Variants in AKAP9 observed in about 807,000 individuals in gnomAD.
AKAP9 encodes A-kinase anchor protein 9.
In AKAP9, 311 loss-of-function variants were observed where a neutral mutation model predicts 488.5. That is an observed-to-expected ratio of 0.64 (90% confidence interval 0.58 to 0.70). The LOEUF (loss-of-function observed/expected upper bound fraction) is 0.70, where lower values mean the gene tolerates loss of function less well. AKAP9 is among the 30% of genes least tolerant of loss of function. The pLI is 0.00. For missense variants in AKAP9, 4,215 were observed against 4,374.5 expected (o/e 0.96, Z 1.03); for synonymous variants, 1,462 against 1,483.5 (o/e 0.99, Z 0.33).
In AKAP9 at chr7:92,052,912, C is replaced by G. The variant is rs751812398; in HGVS notation, c.5555C>G (p.Ala1852Gly). The change falls in exon 22 of 50, where the codon GCA becomes GGA. Residue 1852 changes from alanine to glycine, a missense_variant. This residue lies in a region of AKAP9 where 2,361 missense variants were observed against 2,430.0 expected (regional missense o/e 0.97). Transcript: ENST00000356239. ...LMLNISSRLQ[A>G]AVEKLLEAIS... ...CTGAACATTAGCTCTCGACTACAAGCAGCAGTTGAAAAACTCCTAGAAGCC... is the reference window on the plus strand; with the variant it reads ...CTGAACATTAGCTCTCGACTACAAGGAGCAGTTGAAAAACTCCTAGAAGCC... 4 of 1,613,780 alleles carry G rather than the reference C, an allele frequency of 2.5e-6. No homozygotes were observed. Among genetic ancestry groups the G allele is most frequent in the Non-Finnish European group, 3.4e-6 (4 of 1,179,816 alleles).
At chr7:92,089,266 T>A in intron 37 of AKAP9, 119 bp from the exon 38 acceptor site, 1 of 1,130,240 alleles carries the variant, frequency 8.8e-7, no homozygotes, top group East Asian at 2.6e-5. Flanking sequence ...ATAAGAAAAT[T>A]TTTTAAAAAA....
chr7:92,080,526 A>C (rs1479121486), intron 31 of AKAP9, among the ~76,000 whole-genome samples: 1 of 151,912 alleles, frequency 6.6e-6, no homozygotes. Context: ...TGAACCCGGG[A>C]GGCAGAGCTT....
chr7:91,959,462 TAAA>T (rs10573086), intron 1 of AKAP9, among the ~76,000 whole-genome samples: 53 of 147,632 alleles, frequency 3.6e-4, no homozygotes, highest in African/African-American at 8.9e-4. Context: ...CTGGCTAATT[TAAA>T]AAAAAAAAAA....
chr7:92,022,732 AT>A lies in AKAP9; in HGVS notation c.3953-78del, dbSNP rs1457375343. 4 of 924,296 alleles carry A rather than the reference AT, an allele frequency of 4.3e-6. No homozygotes were observed. In the African/African-American group the frequency reaches 6.8e-5, roughly 16 times the overall value. 57.3% of individuals were successfully genotyped at this position (924,296 alleles called of 1,614,324 possible). A position where few individuals can be genotyped will look rare whatever the true frequency, so the allele number is the denominator to read the frequency against. ...CATACTTTTTCAAAAAAGAATTAAT[AT>A]TTTCTGTACACAGTGATTGTGCTAT... On this transcript the variant is annotated intron_variant, in intron 13 of 49. Transcript: ENST00000356239.
chr7:91,993,141 G>C (rs987399996), intron 5 of AKAP9, 86 bp downstream of exon 5: 2 of 1,450,840 alleles, frequency 1.4e-6, no homozygotes, highest in Admixed American at 2.3e-5. Context: ...TAAAGATGGG[G>C]TTTTTAAAAT....
rs771061272 is a variant in AKAP9 at position 92,002,910 on chromosome 7, A to G, written c.2993A>G (p.Glu998Gly). Reference sequence around the variant, plus strand: ...GTTTCATTGAGATGTAGAGAGCTAGAAATCATTATTAACCACAACAGGGCA... The same window carrying G: ...GTTTCATTGAGATGTAGAGAGCTAGGAATCATTATTAACCACAACAGGGCA... ...EQVSLRCREL[E>G]IIINHNRAEN... Residue 998 changes from glutamate to glycine, a missense_variant, in exon 8 of 50, where the codon GAA (glutamate) becomes GGA (glycine). Around this residue, in one of 5 missense-constraint regions of AKAP9, gnomAD observed 2,361 missense variants for 2,430.0 expected, o/e 0.97. Coordinates refer to ENST00000356239, the MANE Select transcript of AKAP9 (RefSeq NM_005751.5). The G allele has an allele frequency of 6.2e-7, 1 of 1,611,952 alleles. No homozygotes were observed. Among genetic ancestry groups the G allele is most frequent in the Non-Finnish European group, 8.5e-7 (1 of 1,179,176 alleles).
At chr7:91,971,947 A>G (rs1290005631) in intron 1 of AKAP9, among the ~76,000 whole-genome samples, 2 of 104,724 alleles carry the variant, frequency 1.9e-5, no homozygotes, top group Non-Finnish European at 4.0e-5. Flanking sequence ...TTTACTGGAT[A>G]TGTTTGCTCA....
Position 92,079,520 on chromosome 7 carries a change from C to A in AKAP9, c.7387C>A (p.Pro2463Thr), listed in dbSNP as rs771045819. ...TATAGATCATCTGAGCAAAGACAAA[C>A]CTGAACTAGAAGTAGTCCTTACAGA... ...VAIDHLSKDK[P>T]ELEVVLTEDA... The change falls in exon 31 of 50, where the codon CCT becomes ACT. Residue 2463 changes from proline (P) to threonine (T), a missense_variant. By Grantham distance (38) the Pro-to-Thr change is conservative. Coordinates refer to ENST00000356239, the MANE Select transcript of AKAP9 (RefSeq NM_005751.5). The A allele has an allele frequency of 1.9e-6, 3 of 1,613,866 alleles. 1 individual carries two copies. In the South Asian group the frequency reaches 3.3e-5, roughly 18 times the overall value.
Position 92,096,731 on chromosome 7 carries a change from C to A in AKAP9, c.9772C>A (p.Gln3258Lys), listed in dbSNP as rs1816649140. 1.2e-6 allele frequency: 2 copies of A among 1,614,154 alleles called. No homozygotes were observed. The highest frequency in any genetic ancestry group is 1.7e-6 in the Non-Finnish European group (2 of 1,180,000). The change falls in exon 41 of 50, where the codon CAG becomes AAG. Residue 3258 changes from glutamine to lysine, a missense_variant. This residue lies in a region of AKAP9 where 1,476 missense variants were observed against 1,477.4 expected (regional missense o/e 1.00). Coordinates refer to ENST00000356239, the MANE Select transcript of AKAP9 (RefSeq NM_005751.5). ...SLESQKQRNL[Q>K]LNLLLEQQKQ... ...TGAGAGTCAGAAACAAAGGAATCTT[C>A]AGCTAAATCTACTTTTGGAACAACA...
In AKAP9 at chr7:92,062,451, A is replaced by T. The variant is rs773012968; in HGVS notation, c.5942A>T (p.Glu1981Val). Residue 1981 changes from glutamate to valine, a missense_variant, in exon 24 of 50, where the codon GAA becomes GTA. Glu to Val is a moderately radical substitution (Grantham distance 121). Transcript: ENST00000356239. Reference protein sequence around the residue: ...EERELLSRQKEAMKAEAGPVE... With the variant: ...EERELLSRQKVAMKAEAGPVE... ...AGAGAATTACTGTCCAGACAAAAGG[A>T]AGCTATGAAAGCAGAGGCAGGCCCA... The T allele has an allele frequency of 6.2e-7, 1 of 1,613,674 alleles. No homozygotes were observed.
At chr7:91,975,714 G>A (rs1584659455) in intron 2 of AKAP9, among the ~76,000 whole-genome samples, 3 of 151,942 alleles carry the variant, frequency 2.0e-5, no homozygotes, top group South Asian at 2.1e-4. Context: ...CCTAATAAGG[G>A]GAAAGCATTC....
rs1420709661 is a variant in AKAP9 at position 92,045,061 on chromosome 7, T to G, written c.5216T>G (p.Val1739Gly). The change falls in exon 21 of 50, where the codon GTA (valine) becomes GGA (glycine). Residue 1739 changes from valine (V) to glycine (G), a missense_variant. Val to Gly is a moderately radical substitution (Grantham distance 109, BLOSUM62 -3). Transcript: ENST00000356239. ...NRLLKILLEVVKTTAAVEETI... is the reference protein window; with the variant it reads ...NRLLKILLEVGKTTAAVEETI... ...CTTTTGAAGATCCTCTTAGAAGTTG[T>G]AAAGACAACAGCAGCTGTTGAAGAA... is the stretch of plus-strand genomic sequence containing the variant. The G allele has an allele frequency of 1.2e-6, 2 of 1,613,676 alleles. No homozygotes were observed. The highest frequency in any genetic ancestry group is 2.7e-5 in the African/African-American group (2 of 74,820).
chr7:92,033,382 T>G (rs1213342793), intron 16 of AKAP9, among the ~76,000 whole-genome samples: 2 of 152,044 alleles, frequency 1.3e-5, no homozygotes, highest in African/African-American at 4.8e-5. Context: ...TATGCTGTAC[T>G]CTGTACCCCT....
At chr7:91,968,300 T>G (rs188756128) in intron 1 of AKAP9, among the ~76,000 whole-genome samples, 8 of 152,326 alleles carry the variant, frequency 5.3e-5, no homozygotes, top group Admixed American at 5.2e-4. Context: ...TGAGGTTTTC[T>G]ATTTCTTCAT....
At chr7:92,005,903 AG>A (rs903139705) in intron 8 of AKAP9, among the ~76,000 whole-genome samples, 22 of 152,230 alleles carry the variant, frequency 1.4e-4, no homozygotes, top group African/African-American at 5.1e-4. Context: ...TCCTGACCTT[AG>A]GTGATCCAAC....
Position 92,001,159 on chromosome 7 carries a change from C to A in AKAP9, c.1242C>A (p.Phe414Leu). 6.2e-7 allele frequency: 1 copy of A among 1,613,780 alleles called. No homozygotes were observed. The highest frequency in any genetic ancestry group is 2.2e-5 in the East Asian group (1 of 44,862). ...AGAGAAATCATAAAGACAGCCAGTT[C>A]GAAACTGATATAGTACAACGAATGG... ...LQKRNHKDSQ[F>L]ETDIVQRMEQ... Residue 414 changes from phenylalanine (F) to leucine (L), a missense_variant, in exon 8 of 50, where the codon TTC becomes TTA. Transcript: ENST00000356239.
intron 14 of AKAP9, among the ~76,000 whole-genome samples, chr7:92,025,599 A>G (rs574084926): frequency 5.2e-5 from 8 of 152,386 alleles, no homozygotes; most frequent in African/African-American, 1.4e-4. Flanking sequence ...TGGTGATTTC[A>G]TACTAGAAAC....
At chr7:91,942,248 A>G (rs1367642796) in intron 1 of AKAP9, among the ~76,000 whole-genome samples, 3 of 152,156 alleles carry the variant, frequency 2.0e-5, no homozygotes, top group Non-Finnish European at 4.4e-5. Flanking sequence ...ATTTATTATC[A>G]ATGAAGGGCC....
intron 47 of AKAP9, 92 bp downstream of exon 47, chr7:92,105,855 C>T (rs1425741618): frequency 8.6e-7 from 1 of 1,168,544 alleles, no homozygotes; most frequent in African/African-American, 1.5e-5. Context: ...TGTCTGTGGC[C>T]TGTTAGGAAC....
Sources: gnomAD v4.1 joint callset for allele counts (sites outside exome capture counted in the v4.1 genomes callset) on GRCh38, gnomAD v4.1.1 for gene constraint, gnomAD v4.1.1 regional missense constraint, MANE v1.5 for transcripts, NCBI Gene and HGNC (gene_info 2026-07-23, HGNC 2026-07-21) for gene names.